MEIKIN: variants seen among roughly 807,000 people sequenced by gnomAD.
MEIKIN encodes meiotic kinetochore factor.
chr5:131,839,413 T>C (rs1056959639), intron 11 of MEIKIN, among the ~76,000 whole-genome samples: 3 of 152,172 alleles, frequency 2.0e-5, no homozygotes, highest in Non-Finnish European at 2.9e-5. Context: ...TCTTTGTTAA[T>C]TTTTTGCCTT....
At chr5:131,846,076 T>C (rs544189441) in intron 11 of MEIKIN, among the ~76,000 whole-genome samples, 1 of 152,304 alleles carries the variant, frequency 6.6e-6, no homozygotes. Flanking sequence ...AATCAACAGA[T>C]TTCTTGTCAG....
chr5:131,829,278 T>G (rs78650138), intron 11 of MEIKIN, among the ~76,000 whole-genome samples: 1,854 of 152,338 alleles, frequency 0.012, 43 homozygotes, highest in African/African-American at 0.041. Flanking sequence ...AAAAACATTT[T>G]CAGTCATGAA....
At chr5:131,874,260 A>C (rs2149626381) in intron 9 of MEIKIN, among the ~76,000 whole-genome samples, 2 of 152,304 alleles carry the variant, frequency 1.3e-5, no homozygotes, top group African/African-American at 4.8e-5. Context: ...AAGACTAATA[A>C]AGAAGAAAAG....
chr5:131,861,749 A>C (rs956880391), intron 9 of MEIKIN, among the ~76,000 whole-genome samples: 2 of 152,352 alleles, frequency 1.3e-5, no homozygotes, highest in African/African-American at 2.4e-5. Context: ...GTGATGTATC[A>C]AATTTATTGA....
intron 9 of MEIKIN, among the ~76,000 whole-genome samples, chr5:131,870,474 A>G (rs1158307250): frequency 6.6e-6 from 1 of 152,006 alleles, no homozygotes; most frequent in Non-Finnish European, 1.5e-5. Context: ...TATAGATACT[A>G]TTTCCTAGGA....
intron 9 of MEIKIN, among the ~76,000 whole-genome samples, chr5:131,872,584 A>C (rs1385436837): frequency 6.6e-6 from 1 of 152,248 alleles, no homozygotes; most frequent in African/African-American, 2.4e-5. Context: ...GCAGGATATT[A>C]TCCAGGAGAA....
intron 12 of MEIKIN, among the ~76,000 whole-genome samples, chr5:131,810,067 AAC>A (rs1772924498): frequency 6.6e-6 from 1 of 152,328 alleles, no homozygotes. Flanking sequence ...GTGCTTATGT[AAC>A]AGTTAGGATT....
chr5:131,823,937 T>G (rs1411440951), intron 11 of MEIKIN, among the ~76,000 whole-genome samples: 1 of 152,216 alleles, frequency 6.6e-6, no homozygotes, highest in Non-Finnish European at 1.5e-5. Context: ...TTGGTAGTGT[T>G]GGATAAGATA....
chr5:131,934,209 C>T (rs1751736184), intron 4 of MEIKIN, among the ~76,000 whole-genome samples: 1 of 150,488 alleles, frequency 6.6e-6, no homozygotes, highest in African/African-American at 2.5e-5. Context: ...GATCCACCTG[C>T]CTCGGCCTCC....
intron 8 of MEIKIN, among the ~76,000 whole-genome samples, chr5:131,886,244 T>C (rs1034364781): frequency 5.3e-5 from 8 of 152,200 alleles, no homozygotes; most frequent in South Asian, 4.1e-4. Context: ...GGGCAGAAAG[T>C]TTATTCAAAG....
chr5:131,829,857 T>C (rs1236755682), intron 11 of MEIKIN, among the ~76,000 whole-genome samples: 1 of 152,230 alleles, frequency 6.6e-6, no homozygotes, highest in Admixed American at 6.5e-5. Context: ...CCTCCCCTAA[T>C]GGCTGTGGAG....
intron 9 of MEIKIN, among the ~76,000 whole-genome samples, chr5:131,877,241 C>T (rs978940359): frequency 6.6e-6 from 1 of 151,706 alleles, no homozygotes; most frequent in African/African-American, 2.4e-5. Flanking sequence ...CAAACAGAAA[C>T]TAACTACTAA....
intron 8 of MEIKIN, among the ~76,000 whole-genome samples, chr5:131,893,088 A>G (rs968636729): frequency 2.6e-5 from 4 of 152,188 alleles, no homozygotes; most frequent in Admixed American, 6.5e-5. Flanking sequence ...TTTATCTCAG[A>G]GGAGTATGCG....
intron 10 of MEIKIN, among the ~76,000 whole-genome samples, 193 bp from the exon 11 acceptor site, chr5:131,851,576 A>T (rs949845664): frequency 1.3e-5 from 2 of 152,370 alleles, no homozygotes; most frequent in Middle Eastern, 3.4e-3. Flanking sequence ...ATGCATGTTT[A>T]GAGACAAATC....
chr5:131,941,391 T>G (rs1208434078), intron 4 of MEIKIN, among the ~76,000 whole-genome samples: 2 of 152,016 alleles, frequency 1.3e-5, no homozygotes, highest in East Asian at 3.9e-4. Context: ...ACTCCTGACC[T>G]CAAGTCATCC....
At chr5:131,847,545 A>G (rs1039425314) in intron 11 of MEIKIN, among the ~76,000 whole-genome samples, 3 of 152,102 alleles carry the variant, frequency 2.0e-5, no homozygotes, top group Non-Finnish European at 4.4e-5. Flanking sequence ...ATATGAAGTA[A>G]AAACTGACAG....
At chr5:131,811,491 G>A (rs577514157) in intron 12 of MEIKIN, among the ~76,000 whole-genome samples, 49 of 152,112 alleles carry the variant, frequency 3.2e-4, no homozygotes, top group South Asian at 2.7e-3. Flanking sequence ...ATTTTTAGTA[G>A]AGACAGGGTT....
At chr5:131,828,871 TCAAA>T (rs1261905429) in intron 11 of MEIKIN, among the ~76,000 whole-genome samples, 1 of 152,088 alleles carries the variant, frequency 6.6e-6, no homozygotes, top group Non-Finnish European at 1.5e-5. Context: ...AACTCCTGGG[TCAAA>T]CAAAAAGTCA....
intron 11 of MEIKIN, among the ~76,000 whole-genome samples, chr5:131,846,966 T>A (rs72793228): frequency 2.0e-5 from 3 of 152,250 alleles, no homozygotes; most frequent in East Asian, 3.9e-4. Context: ...AACTTTAGAC[T>A]GCTAAATAAA....
Sources: allele counts gnomAD v4.1 joint callset (sites outside exome capture counted in the v4.1 genomes callset), GRCh38; gene constraint gnomAD v4.1.1; transcripts MANE v1.5; gene names NCBI Gene and HGNC (gene_info 2026-07-23, HGNC 2026-07-21).